Variants in RAB3B observed in about 807,000 individuals in gnomAD.
RAB3B encodes the protein RAB3B, member RAS oncogene family.
A neutral mutation model predicts 20.5 loss-of-function variants in RAB3B; 11 were observed. The ratio of observed to expected loss-of-function variants is 0.54; its 90% confidence interval spans 0.34 to 0.89. The LOEUF (loss-of-function observed/expected upper bound fraction) is 0.89, where lower values mean the gene tolerates loss of function less well. Ranked by LOEUF, RAB3B falls within the 40% of genes least tolerant of loss-of-function variation. The probability of loss-of-function intolerance (pLI) is 0.02; values close to 1 mark genes in which losing one functional copy is unlikely to be tolerated. For missense variants in RAB3B, 225 were observed against 280.9 expected (o/e 0.80, Z 1.42); for synonymous variants, 99 against 106.3 (o/e 0.93, Z 0.42).
At chr1:51,980,688 T>G (rs1685074644) in intron 1 of RAB3B, 2 of 756,562 alleles carry the variant, frequency 2.6e-6, no homozygotes, top group Non-Finnish European at 4.8e-6. Flanking sequence ...TGAAGCTACA[T>G]TACTATGCGA....
chr1:51,976,970 C>T lies in RAB3B; in HGVS notation c.148G>A (p.Ala50Thr). Residue 50 changes from alanine (A) to threonine (T), a missense_variant, in exon 2 of 5, where the codon GCC becomes ACC. By Grantham distance (58) the Ala-to-Thr change is moderately conservative. Coordinates refer to ENST00000371655, the MANE Select transcript of RAB3B (RefSeq NM_002867.4). ...FRYADDTFTP[A>T]FVSTVGIDFK... is the part of the protein sequence containing the mutation. Reference sequence around the variant, plus strand: ...TCGATGCCCACGGTGCTAACGAAGGCTGGGGTGAACGTGTCATCAGCATAG... The same window carrying T: ...TCGATGCCCACGGTGCTAACGAAGGTTGGGGTGAACGTGTCATCAGCATAG... The T allele has an allele frequency of 6.2e-7, 1 of 1,614,216 alleles. No homozygotes were observed. The highest frequency in any genetic ancestry group is 8.5e-7 in the Non-Finnish European group (1 of 1,180,032).
chr1:51,951,945 GTAATCCTATC>G (rs1229108988), intron 2 of RAB3B, among the ~76,000 whole-genome samples: 1 of 152,216 alleles, frequency 6.6e-6, no homozygotes, highest in East Asian at 1.9e-4. Flanking sequence ...CCTGCCCTCT[GTAATCCTATC>G]TAATCTTTGA....
At chr1:51,970,163 A>G (rs1450640593) in intron 2 of RAB3B, among the ~76,000 whole-genome samples, 4 of 152,194 alleles carry the variant, frequency 2.6e-5, no homozygotes, top group African/African-American at 7.2e-5. Context: ...GGTGAGCTCA[A>G]TCCTCTGGAT....
intron 1 of RAB3B, among the ~76,000 whole-genome samples, chr1:51,985,159 G>A (rs78740820): frequency 0.011 from 1,727 of 152,214 alleles, 50 homozygotes; most frequent in African/African-American, 0.04. Context: ...ACAGTTTCTC[G>A]GCCCATGGAG....
chr1:51,987,910 C>T (rs1267297073), intron 1 of RAB3B, among the ~76,000 whole-genome samples: 1 of 152,024 alleles, frequency 6.6e-6, no homozygotes, highest in Admixed American at 6.6e-5. Context: ...ATGGGTGTCA[C>T]TCTGTTTCCC....
At chr1:51,949,972 C>T (rs941787400) in intron 2 of RAB3B, among the ~76,000 whole-genome samples, 12 of 152,120 alleles carry the variant, frequency 7.9e-5, no homozygotes, top group African/African-American at 2.2e-4. Context: ...TATTGAGTGA[C>T]GAAACAGCTC....
At chr1:51,957,967 C>T (rs1431276991) in intron 2 of RAB3B, among the ~76,000 whole-genome samples, 1 of 152,200 alleles carries the variant, frequency 6.6e-6, no homozygotes, top group Admixed American at 6.5e-5. Flanking sequence ...AATGGCACCT[C>T]GTGGCAGCCT....
chr1:51,926,727 A>G (rs1379677864), intron 4 of RAB3B, among the ~76,000 whole-genome samples: 1 of 152,216 alleles, frequency 6.6e-6, no homozygotes, highest in East Asian at 1.9e-4. Flanking sequence ...GGATGATATG[A>G]GAACATTAGG....
chr1:51,988,497 T>C (rs1685178225), intron 1 of RAB3B, among the ~76,000 whole-genome samples: 1 of 152,250 alleles, frequency 6.6e-6, no homozygotes, highest in Non-Finnish European at 1.5e-5. Context: ...GAGATAGCCA[T>C]GGGTGTGTCC....
intron 4 of RAB3B, 116 bp downstream of exon 4, chr1:51,933,202 A>G (rs1684350429): frequency 8.8e-7 from 1 of 1,138,846 alleles, no homozygotes; most frequent in African/African-American, 1.6e-5. Flanking sequence ...ATAGGTACAT[A>G]ATTCACAATC....
At chr1:51,935,804 C>T (rs1684390734) in intron 3 of RAB3B, among the ~76,000 whole-genome samples, 1 of 151,514 alleles carries the variant, frequency 6.6e-6, no homozygotes, top group South Asian at 2.1e-4. Context: ...GGGAAGAGAA[C>T]AGAGGAAGGA....
At chr1:51,936,899 C>T (rs1172859549) in intron 3 of RAB3B, among the ~76,000 whole-genome samples, 3 of 151,668 alleles carry the variant, frequency 2.0e-5, no homozygotes, top group Non-Finnish European at 2.9e-5. Flanking sequence ...CTGCAACCTC[C>T]GCCTCCCAGG....
rs1684153712 is a variant in RAB3B, at chr1:51,920,183, G to A, written c.473-69C>T. 4.3e-6 allele frequency: 6 copies of A among 1,393,844 alleles called. No individual in the cohort carries two copies. The East Asian group carries it at 1.4e-4, about 32-fold the overall frequency. 86.3% of individuals were successfully genotyped at this position (1,393,844 alleles called of 1,614,324 possible). ...CTGCTGGAACCCTTCTGTGCCCTCA[G>A]CCCAAGCACTCTGGATTAATATGTC... is the stretch of plus-strand genomic sequence containing the variant. On this transcript the variant is annotated intron_variant, in intron 4 of 4. Coordinates refer to ENST00000371655, the MANE Select transcript of RAB3B (RefSeq NM_002867.4).
chr1:51,987,622 A>C (rs1177392862), intron 1 of RAB3B, among the ~76,000 whole-genome samples: 1 of 152,222 alleles, frequency 6.6e-6, no homozygotes, highest in Non-Finnish European at 1.5e-5. Context: ...CCTTGGCAAG[A>C]AATGTTACAT....
chr1:51,989,208 T>TGTGTGTGTG (rs1553232396), intron 1 of RAB3B, among the ~76,000 whole-genome samples: 1 of 99,822 alleles, frequency 1.0e-5, no homozygotes, highest in African/African-American at 4.3e-5. Flanking sequence ...CCATCTTGTT[T>TGTGTGTGTG]TGTGTGTGTG....
intron 2 of RAB3B, among the ~76,000 whole-genome samples, chr1:51,966,991 T>C (rs990610683): frequency 2.0e-5 from 3 of 152,128 alleles, no homozygotes; most frequent in African/African-American, 7.2e-5. Context: ...CCTATCTCAC[T>C]CTGAGCCTCA....
chr1:51,949,181 G>A (rs1684601876), intron 2 of RAB3B, among the ~76,000 whole-genome samples: 1 of 152,292 alleles, frequency 6.6e-6, no homozygotes. Context: ...AACTACTTGT[G>A]GTTTCCCAAA....
intron 2 of RAB3B, among the ~76,000 whole-genome samples, chr1:51,949,464 T>A (rs1299272748): frequency 6.6e-6 from 1 of 152,076 alleles, no homozygotes; most frequent in Non-Finnish European, 1.5e-5. Context: ...CCAGCACAAA[T>A]CCCGTGGCCA....
rs536683625 is a variant in RAB3B, at chr1:51,952,005, G to A, written c.229-14593C>T. On this transcript the variant is annotated intron_variant, in intron 2 of 4. Transcript: ENST00000371655. ...TGCACCTTTTTTGGGAAGTCCTTCA[G>A]GACCCTGTCTAAATTCATCACCATT... Among the ~76,000 whole-genome samples, 18 of 152,312 alleles carry A rather than the reference G, an allele frequency of 1.2e-4. 1 individual carries two copies. Among genetic ancestry groups the A allele is most frequent in the African/African-American group, 3.8e-4 (16 of 41,570 alleles).
Sources: allele counts gnomAD v4.1 joint callset (sites outside exome capture counted in the v4.1 genomes callset), GRCh38; gene constraint gnomAD v4.1.1; transcripts MANE v1.5; gene names NCBI Gene and HGNC (gene_info 2026-07-23, HGNC 2026-07-21).